The following SIK3 variants were observed in gnomAD, a reference collection of about 807,000 sequenced individuals.
The protein encoded by SIK3 is serine/threonine-protein kinase SIK3.
Under a neutral mutation model 144.2 loss-of-function variants are expected in SIK3, and 28 were observed. The ratio of observed to expected loss-of-function variants is 0.19; its 90% CI spans 0.14 to 0.27. SIK3 has a LOEUF of 0.27. Ranked by LOEUF, SIK3 falls within the 10% of genes least tolerant of loss-of-function variation. SIK3 has a pLI of 1.00. For missense variants in SIK3, 1,319 were observed against 1,776.0 expected (o/e 0.74, Z 4.62); for synonymous variants, 686 against 676.3 (o/e 1.01, Z -0.22).
chr11:117,075,807 G>T (rs1407715457), intron 1 of SIK3, among the ~76,000 whole-genome samples: 13 of 137,976 alleles, frequency 9.4e-5, no homozygotes, highest in Admixed American at 3.1e-4. Flanking sequence ...CTCCCAAAGT[G>T]CTGGGATTAT....
chr11:116,929,178 C>T (rs1947456578), intron 3 of SIK3, among the ~76,000 whole-genome samples: 1 of 152,180 alleles, frequency 6.6e-6, no homozygotes, highest in African/African-American at 2.4e-5. Context: ...TCTAACAGTA[C>T]CTGCTCCTCT....
chr11:116,945,883 C>T (rs983575557), intron 3 of SIK3, among the ~76,000 whole-genome samples: 3 of 152,174 alleles, frequency 2.0e-5, no homozygotes, highest in Non-Finnish European at 2.9e-5. Flanking sequence ...CAGCTAATTT[C>T]ACTTTCTCCA....
intron 1 of SIK3, among the ~76,000 whole-genome samples, chr11:117,003,240 T>C (rs77322057): frequency 0.025 from 3,757 of 152,308 alleles, 84 homozygotes; most frequent in South Asian, 0.11. Context: ...CGGGTTTACA[T>C]AGAATTGACC....
intron 1 of SIK3, among the ~76,000 whole-genome samples, chr11:117,075,735 G>A (rs1954487212): frequency 6.6e-6 from 1 of 150,580 alleles, no homozygotes; most frequent in Non-Finnish European, 1.5e-5. Context: ...AGTAGAGATG[G>A]GGTTTCACAG....
chr11:117,039,072 T>C (rs1023296205), intron 1 of SIK3, among the ~76,000 whole-genome samples: 2 of 151,658 alleles, frequency 1.3e-5, no homozygotes, highest in Admixed American at 1.3e-4. Context: ...AAAAGAAATA[T>C]CGCACATTCA....
intron 1 of SIK3, among the ~76,000 whole-genome samples, chr11:117,057,484 G>A (rs1270476737): frequency 6.6e-6 from 1 of 152,138 alleles, no homozygotes; most frequent in Admixed American, 6.6e-5. Flanking sequence ...TAGTAGACTG[G>A]CAAGCTGTGA....
chr11:117,034,653 A>G (rs972726082), intron 1 of SIK3, among the ~76,000 whole-genome samples: 1 of 152,202 alleles, frequency 6.6e-6, no homozygotes, highest in Non-Finnish European at 1.5e-5. Context: ...TGCTCCACAG[A>G]CAAGCAAGAG....
intron 1 of SIK3, among the ~76,000 whole-genome samples, chr11:116,997,394 T>G (rs1401022467): frequency 6.6e-6 from 1 of 152,258 alleles, no homozygotes; most frequent in East Asian, 1.9e-4. Flanking sequence ...AATCATTCAT[T>G]CAACAAATAT....
intron 3 of SIK3, among the ~76,000 whole-genome samples, chr11:116,929,098 A>G (rs1947451979): frequency 1.3e-5 from 2 of 152,200 alleles, no homozygotes; most frequent in Admixed American, 6.5e-5. Context: ...TAGGGAGAGT[A>G]ACTTAACAGA....
intron 5 of SIK3, 38 bp from the exon 6 acceptor site, chr11:116,896,414 T>C: frequency 6.2e-7 from 1 of 1,603,412 alleles, no homozygotes; most frequent in Non-Finnish European, 8.5e-7. Context: ...ATTAATCACA[T>C]CAGGGGAAAC....
intron 2 of SIK3, among the ~76,000 whole-genome samples, chr11:116,955,746 C>T (rs1457692046): frequency 2.0e-5 from 3 of 152,160 alleles, no homozygotes; most frequent in Non-Finnish European, 4.4e-5. Flanking sequence ...AGGAAGCTTT[C>T]ATAAGTTTGC....
intron 1 of SIK3, among the ~76,000 whole-genome samples, chr11:117,047,853 C>T (rs1028116657): frequency 3.9e-5 from 6 of 152,108 alleles, no homozygotes; most frequent in Non-Finnish European, 7.4e-5. Context: ...TCAATGAGAA[C>T]ATCTAGATCG....
chr11:116,857,641 C>A (rs1210151424), intron 21 of SIK3, 169 bp downstream of exon 21: 37 of 1,164,548 alleles, frequency 3.2e-5, no homozygotes, highest in Non-Finnish European at 4.3e-5. Context: ...AAATGGACCC[C>A]TTGCCCACCA....
chr11:117,097,525 C>T (rs1322616253), intron 1 of SIK3, among the ~76,000 whole-genome samples: 1 of 150,718 alleles, frequency 6.6e-6, no homozygotes, highest in Non-Finnish European at 1.5e-5. Flanking sequence ...CTCATTGCCT[C>T]CTCCACTAAT....
At chr11:116,977,693 G>T (rs1358681895) in intron 1 of SIK3, among the ~76,000 whole-genome samples, 1 of 152,148 alleles carries the variant, frequency 6.6e-6, no homozygotes, top group Non-Finnish European at 1.5e-5. Context: ...ACAGTCTTTG[G>T]TTTTTAACAA....
At chr11:116,880,392 A>G (rs1414912382) in intron 6 of SIK3, among the ~76,000 whole-genome samples, 1 of 152,176 alleles carries the variant, frequency 6.6e-6, no homozygotes, top group East Asian at 1.9e-4. Context: ...AAGCCTGCAT[A>G]GATCCCCCAG....
chr11:116,981,879 A>C (rs1950151062), intron 1 of SIK3, among the ~76,000 whole-genome samples: 1 of 152,202 alleles, frequency 6.6e-6, no homozygotes. Flanking sequence ...AAGAGATATG[A>C]ATTTGATTCT....
intron 3 of SIK3, among the ~76,000 whole-genome samples, chr11:116,927,705 C>T (rs1947352126): frequency 6.6e-6 from 1 of 152,198 alleles, no homozygotes; most frequent in East Asian, 1.9e-4. Context: ...CTGCAGAAGA[C>T]TGCACAGACA....
chr11:116,957,742 TAA>T (rs926811334), intron 1 of SIK3, among the ~76,000 whole-genome samples: 9 of 152,162 alleles, frequency 5.9e-5, no homozygotes, highest in Non-Finnish European at 1.2e-4. Context: ...ACACAGAGAT[TAA>T]GTAATTAACC....
Sources: allele counts gnomAD v4.1 joint callset (sites outside exome capture counted in the v4.1 genomes callset), GRCh38; gene constraint gnomAD v4.1.1; transcripts MANE v1.5; gene names NCBI Gene and HGNC (gene_info 2026-07-23, HGNC 2026-07-21).